The following SNTG1 variants were observed in gnomAD, a reference collection of about 807,000 sequenced individuals.
SNTG1 encodes the protein syntrophin gamma 1, also known as gamma-1-syntrophin.
In SNTG1, 39 loss-of-function variants were observed where a neutral mutation model predicts 74.7. That is an observed-to-expected ratio of 0.52 (90% CI 0.40 to 0.68). SNTG1 has a LOEUF of 0.68. Ranked by LOEUF, SNTG1 falls within the 30% of genes least tolerant of loss-of-function variation. The pLI, the probability that SNTG1 is intolerant of heterozygous loss-of-function variation, is 0.00. For missense variants in SNTG1, 685 were observed against 609.5 expected (o/e 1.12, Z -1.30); for synonymous variants, 254 against 217.1 (o/e 1.17, Z -1.49).
intron 1 of SNTG1, among the ~76,000 whole-genome samples, chr8:50,029,718 A>G (rs1379096157): frequency 2.0e-5 from 3 of 152,154 alleles, no homozygotes. Context: ...CATTGTGTAT[A>G]TGTACCACAT....
At chr8:50,550,039 G>A (rs2094415042) in intron 11 of SNTG1, among the ~76,000 whole-genome samples, 1 of 152,114 alleles carries the variant, frequency 6.6e-6, no homozygotes, top group African/African-American at 2.4e-5. Context: ...GGGAAATTGA[G>A]GCACAACTAA....
intron 1 of SNTG1, among the ~76,000 whole-genome samples, chr8:49,960,539 TA>T (rs1810585806): frequency 6.6e-6 from 1 of 152,080 alleles, no homozygotes; most frequent in Non-Finnish European, 1.5e-5. Flanking sequence ...AAAGTTACAT[TA>T]CCTTTGAAAG....
At chr8:50,509,798 A>G (rs1260006478) in intron 9 of SNTG1, among the ~76,000 whole-genome samples, 1 of 152,136 alleles carries the variant, frequency 6.6e-6, no homozygotes, top group Non-Finnish European at 1.5e-5. Context: ...GTTACCTATC[A>G]GCTTAAGGAG....
chr8:50,386,492 T>C (rs1563316141), intron 2 of SNTG1, among the ~76,000 whole-genome samples: 1 of 152,142 alleles, frequency 6.6e-6, no homozygotes, highest in African/African-American at 2.4e-5. Context: ...CGTCCTTCTT[T>C]ATGTGGCCCG....
chr8:50,432,354 C>T (rs1282432684), intron 4 of SNTG1, among the ~76,000 whole-genome samples: 4 of 151,292 alleles, frequency 2.6e-5, no homozygotes, highest in Non-Finnish European at 5.9e-5. Flanking sequence ...TTTTTGGCCA[C>T]CTGTTCTGTA....
At chr8:50,589,470 T>C (rs1465479026) in intron 12 of SNTG1, among the ~76,000 whole-genome samples, 1 of 151,148 alleles carries the variant, frequency 6.6e-6, no homozygotes, top group Non-Finnish European at 1.5e-5. Flanking sequence ...TCCCGTGTTT[T>C]GCTCAACCAC....
intron 18 of SNTG1, among the ~76,000 whole-genome samples, chr8:50,792,038 C>A (rs1396285547): frequency 1.3e-5 from 2 of 150,586 alleles, no homozygotes; most frequent in East Asian, 1.9e-4. Flanking sequence ...AAATGAGAAA[C>A]CTATTTCTAA....
intron 2 of SNTG1, among the ~76,000 whole-genome samples, chr8:50,357,544 A>C (rs1202276051): frequency 6.6e-6 from 1 of 152,210 alleles, no homozygotes; most frequent in African/African-American, 2.4e-5. Context: ...TACCAAGATG[A>C]ATAGATTTTA....
At position 50,507,921 on chromosome 8, in the gene SNTG1, C is replaced by CT. The variant is rs1237675922; in HGVS notation, c.466+5050dup. Among the ~76,000 whole-genome samples the CT allele has an allele frequency of 1.7e-3, 224 of 133,254 alleles. 1 individual carries two copies. The highest frequency in any genetic ancestry group is 4.8e-3 in the African/African-American group (174 of 36,162). 87.4% of individuals were successfully genotyped at this position (133,254 alleles called of 152,430 possible). On this transcript the variant is annotated intron_variant, in intron 9 of 18. Transcript: ENST00000642720. ...CATTGTTCAATTCCCACCTTCATTT[C>CT]TTTTTTTTTATTATACTTTAAGTTT...
At chr8:50,017,481 A>T (rs1349381217) in intron 1 of SNTG1, among the ~76,000 whole-genome samples, 1 of 152,034 alleles carries the variant, frequency 6.6e-6, no homozygotes, top group Non-Finnish European at 1.5e-5. Flanking sequence ...ATATTGAAAG[A>T]ATGGATAAAA....
At chr8:50,611,723 GT>G (rs1391863128) in intron 13 of SNTG1, among the ~76,000 whole-genome samples, 8 of 152,206 alleles carry the variant, frequency 5.3e-5, no homozygotes, top group Middle Eastern at 3.4e-3. Context: ...AAGAGTTTCA[GT>G]TTAGTCTGGG....
At chr8:50,326,304 A>C (rs2090745424) in intron 2 of SNTG1, among the ~76,000 whole-genome samples, 1 of 152,088 alleles carries the variant, frequency 6.6e-6, no homozygotes, top group Non-Finnish European at 1.5e-5. Flanking sequence ...GGTAGAATTC[A>C]TTTGGTAGAA....
intron 13 of SNTG1, among the ~76,000 whole-genome samples, chr8:50,622,409 T>C (rs1266088895): frequency 6.6e-6 from 1 of 152,172 alleles, no homozygotes; most frequent in Non-Finnish European, 1.5e-5. Flanking sequence ...AATCTGTAGG[T>C]TTTTTTCCTT....
At chr8:50,484,106 T>TTCTG (rs1393200938) in intron 8 of SNTG1, among the ~76,000 whole-genome samples, 1 of 72,384 alleles carries the variant, frequency 1.4e-5, no homozygotes, top group East Asian at 3.1e-4. Flanking sequence ...CTTTCTCTCT[T>TTCTG]TCTTTCTTTC....
At position 50,796,395 on chromosome 8, in the gene SNTG1, A is replaced by C. The variant is rs1455328998; in HGVS notation, c.*3566A>C. The C allele has an allele frequency of 1.3e-5, 2 of 151,962 alleles. No homozygotes were observed. Among genetic ancestry groups the C allele is most frequent in the Non-Finnish European group, 2.9e-5 (2 of 67,922 alleles). The allele number at this position is 151,962 out of a possible 1,614,324, so 9.4% of individuals were successfully genotyped here. On this transcript the variant is annotated 3_prime_UTR_variant, in exon 19 of 19. Transcript: ENST00000642720. ...TCTTTATTGTTTATTCTTACTACCG[A>C]ATACTTTAAAATCATAATGCCACTT...
intron 4 of SNTG1, among the ~76,000 whole-genome samples, chr8:50,413,917 C>T (rs939423458): frequency 2.6e-5 from 4 of 152,130 alleles, no homozygotes; most frequent in Non-Finnish European, 4.4e-5. Flanking sequence ...CTATTCTATC[C>T]TATTTTATAT....
chr8:50,767,321 C>T (rs1315683506), intron 18 of SNTG1, among the ~76,000 whole-genome samples: 2 of 151,862 alleles, frequency 1.3e-5, no homozygotes, highest in Admixed American at 1.3e-4. Context: ...TGTGAGAAAG[C>T]GTCAGAAATA....
intron 2 of SNTG1, among the ~76,000 whole-genome samples, chr8:50,245,555 T>C (rs969509725): frequency 2.8e-4 from 43 of 152,142 alleles, no homozygotes; most frequent in African/African-American, 9.9e-4. Flanking sequence ...TGGTGGTGCA[T>C]GCCTGTAATC....
At chr8:49,914,932 A>G (rs1461042862) in intron 1 of SNTG1, 1 of 152,202 alleles carries the variant, frequency 6.6e-6, no homozygotes, top group East Asian at 1.9e-4. Context: ...ATAGAATTCA[A>G]ATGGAGAGAG....
Sources: gnomAD v4.1 joint callset for allele counts (sites outside exome capture counted in the v4.1 genomes callset) on GRCh38, gnomAD v4.1.1 for gene constraint, MANE v1.5 for transcripts, NCBI Gene and HGNC (gene_info 2026-07-23, HGNC 2026-07-21) for gene names.